The following THOC2 variants were observed in gnomAD, a reference collection of about 807,000 sequenced individuals.
THOC2 encodes the protein THO complex 2.
In THOC2, 10 loss-of-function variants were observed where a neutral mutation model predicts 128.4. The ratio of observed to expected loss-of-function variants is 0.08; its 90% CI spans 0.05 to 0.13. The LOEUF is 0.13. Among genes scored for constraint, THOC2 ranks in the 10% least tolerant of loss-of-function variants. THOC2 has a pLI of 1.00. For synonymous variants in THOC2, 393 were observed against 396.9 expected, an observed-to-expected ratio of 0.99 and a Z score of 0.12; for missense variants, 535 against 1,155.7, an observed-to-expected ratio of 0.46 and a Z score of 7.79.
intron 33 of THOC2, among the ~76,000 whole-genome samples, chrX:123,614,552 G>GAAA (rs1369185065): frequency 9.5e-6 from 1 of 105,661 alleles, no homozygotes; most frequent in African/African-American, 3.4e-5. Context: ...AAAAAAAAAA[G>GAAA]AAAAAGAAAA....
chrX:123,719,390 G>A (rs963498432), intron 1 of THOC2, among the ~76,000 whole-genome samples: 4 of 110,103 alleles, frequency 3.6e-5, no homozygotes, highest in South Asian at 3.8e-4. Flanking sequence ...AATAAGTATC[G>A]AAGATGTGGA....
intron 8 of THOC2, among the ~76,000 whole-genome samples, chrX:123,678,113 G>T (rs1333494688): frequency 9.1e-6 from 1 of 110,322 alleles, no homozygotes; most frequent in African/African-American, 3.3e-5. Context: ...TCTTCTTGAG[G>T]AGGTGTCACT....
chrX:123,662,942 AAG>A (rs2048899720), intron 12 of THOC2, among the ~76,000 whole-genome samples: 1 of 112,261 alleles, frequency 8.9e-6, no homozygotes, highest in Non-Finnish European at 1.9e-5. Context: ...TAAAACTTAA[AAG>A]AGTGACAACA....
chrX:123,693,018 T>C (rs998774983), intron 7 of THOC2, among the ~76,000 whole-genome samples: 3 of 110,696 alleles, frequency 2.7e-5, no homozygotes, highest in Non-Finnish European at 5.7e-5. Context: ...CCATGAAAAA[T>C]AGGATGCTGG....
intron 33 of THOC2, among the ~76,000 whole-genome samples, chrX:123,615,680 C>CACACAA (rs1556007961): frequency 9.3e-6 from 1 of 107,789 alleles, no homozygotes; most frequent in Non-Finnish European, 1.9e-5. Context: ...CACACACACA[C>CACACAA]AACCCTTATT....
At chrX:123,641,370 T>G (rs145579020) in intron 15 of THOC2, among the ~76,000 whole-genome samples, 7 of 112,152 alleles carry the variant, frequency 6.2e-5, no homozygotes, top group African/African-American at 2.3e-4. Flanking sequence ...AAGTAAATTA[T>G]GAATTCAGTT....
intron 7 of THOC2, among the ~76,000 whole-genome samples, chrX:123,689,408 A>C (rs2050131875): frequency 8.9e-6 from 1 of 111,946 alleles, no homozygotes; most frequent in Non-Finnish European, 1.9e-5. Context: ...AGCCAATTGA[A>C]GGTTTAGAAA....
Position 123,726,362 on chromosome X carries a change from G to T in THOC2, c.71+6590C>A, listed in dbSNP as rs759700341. Among the ~76,000 whole-genome samples, 6 of 110,252 alleles carry T rather than the reference G, an allele frequency of 5.4e-5. No homozygotes were observed. The East Asian group carries it at 1.4e-3, about 26-fold the overall frequency. On this transcript the variant is annotated intron_variant, in intron 1 of 38. Coordinates refer to ENST00000245838, the MANE Select transcript of THOC2 (RefSeq NM_001081550.2). Reference sequence around the variant, plus strand: ...AGAAAAAGAGAAAAAAGAAAAAGAGGAAAGGAAAAGGAAAGGATGAGAAAG... The same window carrying T: ...AGAAAAAGAGAAAAAAGAAAAAGAGTAAAGGAAAAGGAAAGGATGAGAAAG...
Position 123,644,924 on chromosome X carries a change from G to T in THOC2, c.1429-15C>A, listed in dbSNP as rs978676217. ...AGGATAACTTCCTAAAAGAAAGAAGGAAAAGTTATTTCAGTAAGAGGTCTA... is the reference window on the plus strand; with the variant it reads ...AGGATAACTTCCTAAAAGAAAGAAGTAAAAGTTATTTCAGTAAGAGGTCTA... On this transcript the variant is annotated splice_polypyrimidine_tract_variant and intron_variant, in intron 13 of 38. Coordinates refer to ENST00000245838, the MANE Select transcript of THOC2 (RefSeq NM_001081550.2). The T allele has an allele frequency of 8.5e-7, 1 of 1,175,463 alleles. No homozygotes were observed. Among genetic ancestry groups the T allele is most frequent in the Non-Finnish European group, 1.1e-6 (1 of 874,837 alleles).
intron 2 of THOC2, 24 bp from the exon 3 acceptor site, chrX:123,706,973 G>T: frequency 1.2e-6 from 1 of 841,544 alleles, no homozygotes; most frequent in Non-Finnish European, 1.7e-6. Context: ...GAGAAATAAT[G>T]TAAGGATACA....
intron 8 of THOC2, among the ~76,000 whole-genome samples, chrX:123,672,632 T>G (rs1271074909): frequency 8.9e-6 from 1 of 112,047 alleles, no homozygotes; most frequent in Non-Finnish European, 1.9e-5. Context: ...TGTACATAAA[T>G]ATTACAGATG....
intron 8 of THOC2, among the ~76,000 whole-genome samples, chrX:123,679,129 C>A (rs1020220418): frequency 9.0e-6 from 1 of 111,329 alleles, no homozygotes; most frequent in Non-Finnish European, 1.9e-5. Flanking sequence ...AAAAAAATCT[C>A]GAACCCACTT....
chrX:123,727,046 C>T (rs932312878), intron 1 of THOC2, among the ~76,000 whole-genome samples: 6 of 109,628 alleles, frequency 5.5e-5, no homozygotes, highest in South Asian at 3.9e-4. Context: ...CTCATACACC[C>T]GCACAAAAAA....
rs1002578159 is a variant in THOC2, at chrX:123,600,649, T to C, written c.*708A>G. 22 of 112,542 alleles carry C rather than the reference T, an allele frequency of 2.0e-4. No homozygotes were observed. The highest frequency in any genetic ancestry group is 7.1e-4 in the African/African-American group (22 of 30,940). The allele number at this position is 112,542 out of a possible 1,213,427, so 9.3% of individuals were successfully genotyped here. On this transcript the variant is annotated 3_prime_UTR_variant, in exon 39 of 39. Coordinates refer to ENST00000245838, the MANE Select transcript of THOC2 (RefSeq NM_001081550.2). Reference sequence around the variant, plus strand: ...ATAAAAAAATTCTCTTTTAAAAATGTCACTGTGAAACTTTTCCAGATGAAA... The same window carrying C: ...ATAAAAAAATTCTCTTTTAAAAATGCCACTGTGAAACTTTTCCAGATGAAA...
intron 19 of THOC2, among the ~76,000 whole-genome samples, chrX:123,634,861 G>C (rs184833269): frequency 2.1e-3 from 232 of 112,055 alleles, no homozygotes; most frequent in Non-Finnish European, 3.7e-3. Context: ...TGTGCCAACA[G>C]TTATGCTTTT....
chrX:123,638,723 C>A (rs762849246), intron 17 of THOC2, among the ~76,000 whole-genome samples: 79 of 102,852 alleles, frequency 7.7e-4, no homozygotes, highest in African/African-American at 2.8e-3. Context: ...CAAAGACACA[C>A]ACGTACACAC....
At chrX:123,725,056 C>T (rs1337502776) in intron 1 of THOC2, among the ~76,000 whole-genome samples, 1 of 111,794 alleles carries the variant, frequency 8.9e-6, no homozygotes, top group Non-Finnish European at 1.9e-5. Context: ...ATGATCGCAC[C>T]ACTGCACTCC....
At chrX:123,715,572 A>G (rs2051371797) in intron 1 of THOC2, among the ~76,000 whole-genome samples, 1 of 108,876 alleles carries the variant, frequency 9.2e-6, no homozygotes, top group Non-Finnish European at 1.9e-5. Flanking sequence ...GCTTGAGCTC[A>G]GGAGTTCAAG....
intron 15 of THOC2, among the ~76,000 whole-genome samples, chrX:123,641,055 T>A (rs2047893263): frequency 9.0e-6 from 1 of 111,696 alleles, no homozygotes; most frequent in Non-Finnish European, 1.9e-5. Flanking sequence ...TCTAACAGAG[T>A]TACTGTGTTA....
Sources: allele counts gnomAD v4.1 joint callset (sites outside exome capture counted in the v4.1 genomes callset), GRCh38; gene constraint gnomAD v4.1.1; transcripts MANE v1.5; gene names NCBI Gene and HGNC (gene_info 2026-07-23, HGNC 2026-07-21).